The following ACVR1C variants were observed in gnomAD, a reference collection of about 807,000 sequenced individuals.
ACVR1C encodes the protein activin receptor type-1C.
A neutral mutation model predicts 57.9 loss-of-function variants in ACVR1C; 23 were observed. The ratio of observed to expected loss-of-function variants is 0.40; its 90% confidence interval spans 0.29 to 0.56. ACVR1C has a LOEUF of 0.56. Ranked by LOEUF, ACVR1C falls within the 20% of genes least tolerant of loss-of-function variation. The pLI, the probability that ACVR1C is intolerant of heterozygous loss-of-function variation, is 0.50. For synonymous variants in ACVR1C, 214 were observed against 215.3 expected, an observed-to-expected ratio of 0.99 and a Z score of 0.05; for missense variants, 480 against 607.9, an observed-to-expected ratio of 0.79 and a Z score of 2.21.
chr2:157,609,126 C>T (rs1682472690), intron 1 of ACVR1C, among the ~76,000 whole-genome samples: 3 of 151,730 alleles, frequency 2.0e-5, no homozygotes, highest in Admixed American at 2.0e-4. Flanking sequence ...TCTCTATTAG[C>T]ACTGCTTTTG....
Position 157,528,444 on chromosome 2 carries a change from T to C in ACVR1C, c.*5474A>G, listed in dbSNP as rs941802835. The C allele has an allele frequency of 6.6e-6, 1 of 152,182 alleles. No homozygotes were observed. The highest frequency in any genetic ancestry group is 2.4e-5 in the African/African-American group (1 of 41,456). 9.4% of individuals were successfully genotyped at this position (152,182 alleles called of 1,614,324 possible). A position where few individuals can be genotyped will look rare whatever the true frequency, so the allele number is the denominator to read the frequency against. On this transcript the variant is annotated 3_prime_UTR_variant, in exon 9 of 9. Transcript: ENST00000243349. ...AGTCACATCTGAAAATATTAAAATC[T>C]AGGATGAAATACAGCTCATATTCTC... is the stretch of plus-strand genomic sequence containing the variant.
At chr2:157,584,435 T>C (rs1162788160) in intron 2 of ACVR1C, among the ~76,000 whole-genome samples, 1 of 152,120 alleles carries the variant, frequency 6.6e-6, no homozygotes, top group Non-Finnish European at 1.5e-5. Context: ...AACACTCAAA[T>C]AGATACTTTA....
intron 2 of ACVR1C, among the ~76,000 whole-genome samples, chr2:157,585,592 C>A (rs559082280): frequency 2.8e-4 from 43 of 152,232 alleles, no homozygotes; most frequent in African/African-American, 9.9e-4. Flanking sequence ...TGGGAAGATA[C>A]ATTACAAGTC....
chr2:157,581,441 G>C (rs534109116), intron 2 of ACVR1C, among the ~76,000 whole-genome samples: 1 of 152,050 alleles, frequency 6.6e-6, no homozygotes, highest in African/African-American at 2.4e-5. Context: ...ACTGATTAGG[G>C]GGCTTACAGA....
chr2:157,555,724 A>G (rs1157510637), intron 3 of ACVR1C, among the ~76,000 whole-genome samples: 2 of 152,114 alleles, frequency 1.3e-5, no homozygotes, highest in African/African-American at 4.8e-5. Flanking sequence ...AAATACCACA[A>G]CCCTAACTCT....
At chr2:157,574,056 C>T (rs905782709) in intron 2 of ACVR1C, among the ~76,000 whole-genome samples, 6 of 152,178 alleles carry the variant, frequency 3.9e-5, no homozygotes, top group Non-Finnish European at 7.4e-5. Context: ...TATTCAGCTT[C>T]GGCCAACTGA....
At chr2:157,607,634 A>G (rs2354347) in intron 1 of ACVR1C, among the ~76,000 whole-genome samples, 10,007 of 151,654 alleles carry the variant, frequency 0.066, 504 homozygotes, top group East Asian at 0.24. Context: ...TGTCCTTTTC[A>G]ATTTCTTTCA....
intron 2 of ACVR1C, among the ~76,000 whole-genome samples, chr2:157,558,026 G>GT (rs1171215070): frequency 6.6e-6 from 1 of 151,916 alleles, no homozygotes; most frequent in East Asian, 1.9e-4. Context: ...GTTGATTTTT[G>GT]TTTTTAATAA....
At chr2:157,559,936 G>A (rs950625983) in intron 2 of ACVR1C, among the ~76,000 whole-genome samples, 4 of 151,164 alleles carry the variant, frequency 2.6e-5, no homozygotes, top group Non-Finnish European at 4.4e-5. Context: ...AAAAAGGAAA[G>A]AGAGAGAGAA....
At chr2:157,600,492 T>C (rs1260226043) in intron 1 of ACVR1C, among the ~76,000 whole-genome samples, 1 of 152,024 alleles carries the variant, frequency 6.6e-6, no homozygotes, top group Non-Finnish European at 1.5e-5. Flanking sequence ...ATTGAAGAGA[T>C]AGAAAAAGAC....
intron 6 of ACVR1C, 124 bp downstream of exon 6, chr2:157,542,582 C>G: frequency 1.7e-6 from 2 of 1,158,416 alleles, no homozygotes; most frequent in Non-Finnish European, 2.4e-6. Flanking sequence ...CCAGAGAAGA[C>G]TTCTGGATTT....
intron 1 of ACVR1C, among the ~76,000 whole-genome samples, chr2:157,591,138 A>G (rs138983964): frequency 6.6e-6 from 1 of 152,128 alleles, no homozygotes; most frequent in Non-Finnish European, 1.5e-5. Context: ...AGCCAAATGA[A>G]CTAGGGTGCA....
At chr2:157,556,052 A>G in intron 3 of ACVR1C, 41 bp downstream of exon 3, 1 of 1,573,416 alleles carries the variant, frequency 6.4e-7, no homozygotes, top group Non-Finnish European at 8.6e-7. Flanking sequence ...TTTAAATAAA[A>G]GTGTTTTCTT....
intron 2 of ACVR1C, among the ~76,000 whole-genome samples, chr2:157,559,598 TG>T (rs1688189502): frequency 6.6e-6 from 1 of 152,182 alleles, no homozygotes; most frequent in South Asian, 2.1e-4. Flanking sequence ...GGATTTTCTG[TG>T]CCAAGTGAGA....
At chr2:157,558,674 G>C (rs1688163451) in intron 2 of ACVR1C, among the ~76,000 whole-genome samples, 3 of 152,150 alleles carry the variant, frequency 2.0e-5, no homozygotes, top group Admixed American at 2.0e-4. Flanking sequence ...GAAATCATTA[G>C]TAGTTATACA....
At chr2:157,624,454 G>C (rs1320852681) in intron 1 of ACVR1C, among the ~76,000 whole-genome samples, 1 of 152,148 alleles carries the variant, frequency 6.6e-6, no homozygotes, top group Non-Finnish European at 1.5e-5. Context: ...TATTCAAAAG[G>C]AAACTACTCC....
intron 1 of ACVR1C, among the ~76,000 whole-genome samples, chr2:157,618,786 A>G (rs1558999084): frequency 6.6e-6 from 1 of 151,868 alleles, no homozygotes; most frequent in Non-Finnish European, 1.5e-5. Flanking sequence ...TGTCATAATA[A>G]CAAATATTAC....
chr2:157,556,484 G>T, intron 2 of ACVR1C, 152 bp from the exon 3 acceptor site: 1 of 1,003,496 alleles, frequency 1.0e-6, no homozygotes, highest in Non-Finnish European at 1.4e-6. Flanking sequence ...TGTGGTATAA[G>T]CAAAGATGGA....
chr2:157,585,569 G>A (rs564565719), intron 2 of ACVR1C, among the ~76,000 whole-genome samples: 2 of 152,198 alleles, frequency 1.3e-5, no homozygotes, highest in Non-Finnish European at 2.9e-5. Context: ...TAGTCTTGAG[G>A]ATCATTCACT....
Sources: allele counts gnomAD v4.1 joint callset (sites outside exome capture counted in the v4.1 genomes callset), GRCh38; gene constraint gnomAD v4.1.1; transcripts MANE v1.5; gene names NCBI Gene and HGNC (gene_info 2026-07-23, HGNC 2026-07-21).